TMEM128: variants seen among roughly 807,000 people sequenced by gnomAD.
TMEM128 encodes transmembrane protein 128.
A neutral mutation model predicts 19.7 loss-of-function variants in TMEM128; 16 were observed. That is an observed-to-expected ratio of 0.81 (90% confidence interval 0.55 to 1.23). TMEM128 has a LOEUF of 1.23. TMEM128 is among the 50% of genes most tolerant of loss of function. The probability of loss-of-function intolerance (pLI) is 0.00; values close to 1 mark genes in which losing one functional copy is unlikely to be tolerated. For synonymous variants in TMEM128, 98 were observed against 75.8 expected, an observed-to-expected ratio of 1.29 and a Z score of -1.52; for missense variants, 237 against 200.8, an observed-to-expected ratio of 1.18 and a Z score of -1.09.
Position 4,236,131 on chromosome 4 carries a change from A to G in TMEM128, c.*135T>C, listed in dbSNP as rs1438366031. ...CTGGATGTTTAACCATTCACTTCAA[A>G]TTTACATGTCCAGCCAGGCACGGTG... is the stretch of plus-strand genomic sequence containing the variant. On this transcript the variant is annotated 3_prime_UTR_variant, in exon 5 of 5. Coordinates refer to ENST00000382753, the MANE Select transcript of TMEM128 (RefSeq NM_001297551.2). 2 of 152,136 alleles carry G rather than the reference A, an allele frequency of 1.3e-5. No individual in the cohort carries two copies. Among genetic ancestry groups the G allele is most frequent in the African/African-American group, 2.4e-5 (1 of 41,436 alleles). The allele number at this position is 152,136 out of a possible 1,614,324, so 9.4% of individuals were successfully genotyped here. A position where few individuals can be genotyped will look rare whatever the true frequency, so the allele number is the denominator to read the frequency against.
rs759181833 is a variant in TMEM128, at chr4:4,248,138, G to C, written c.65C>G (p.Ala22Gly). 1.6e-5 allele frequency: 25 copies of C among 1,534,536 alleles called. No homozygotes were observed. The highest frequency in any genetic ancestry group is 3.4e-4 in the Middle Eastern group (2 of 5,900). ...RRFLLLPDAE[A>G]QLDREGDAGP... ...GGCGTCACCCTCGCGGTCCAGCTGGGCCTCGGCGTCCGGCAGGAGGAGGAA... is the reference window on the plus strand; with the variant it reads ...GGCGTCACCCTCGCGGTCCAGCTGGCCCTCGGCGTCCGGCAGGAGGAGGAA... The change falls in exon 1 of 5, where the codon GCC becomes GGC. Residue 22 changes from alanine (A) to glycine (G), a missense_variant. Ala to Gly is a moderately conservative substitution (Grantham distance 60). Coordinates refer to ENST00000382753, the MANE Select transcript of TMEM128 (RefSeq NM_001297551.2).
chr4:4,244,270 G>C (rs1176661613), intron 2 of TMEM128, among the ~76,000 whole-genome samples: 2 of 152,074 alleles, frequency 1.3e-5, no homozygotes, highest in East Asian at 1.9e-4. Context: ...GAGCCCACAA[G>C]TTTGAGACCA....
At chr4:4,242,065 C>T (rs1435909803) in intron 2 of TMEM128, among the ~76,000 whole-genome samples, 1 of 152,096 alleles carries the variant, frequency 6.6e-6, no homozygotes, top group Non-Finnish European at 1.5e-5. Flanking sequence ...CCACGCCCAG[C>T]TAATTTTTGT....
At chr4:4,240,280 TTTG>T (rs1717893667) in intron 3 of TMEM128, 38 bp downstream of exon 3, 4 of 1,589,858 alleles carry the variant, frequency 2.5e-6, no homozygotes, top group Non-Finnish European at 2.6e-6. Context: ...AAAAAAAAAA[TTTG>T]TTGTTCATTC....
intron 2 of TMEM128, among the ~76,000 whole-genome samples, chr4:4,241,874 CATT>C (rs1300864751): frequency 1.3e-5 from 2 of 152,130 alleles, no homozygotes; most frequent in Admixed American, 6.5e-5. Context: ...CAATCATAAT[CATT>C]ATTATTCCAC....
chr4:4,248,021 C>G, intron 1 of TMEM128, 85 bp downstream of exon 1: 1 of 1,506,888 alleles, frequency 6.6e-7, no homozygotes, highest in Non-Finnish European at 8.8e-7. Context: ...TCAGTCCTTC[C>G]AGACTGGGCC....
At chr4:4,239,951 G>C (rs765474440) in intron 3 of TMEM128, among the ~76,000 whole-genome samples, 4 of 152,226 alleles carry the variant, frequency 2.6e-5, no homozygotes, top group Non-Finnish European at 5.9e-5. Flanking sequence ...CTGGGAGGGA[G>C]AATGAAGGGG....
chr4:4,245,576 C>T (rs998075252), intron 2 of TMEM128, among the ~76,000 whole-genome samples: 3 of 152,146 alleles, frequency 2.0e-5, no homozygotes, highest in Admixed American at 1.3e-4. Flanking sequence ...AAATTTACTA[C>T]CTTCCTCATC....
At chr4:4,240,595 G>C (rs1234354468) in intron 2 of TMEM128, 116 bp from the exon 3 acceptor site, 93 of 1,167,396 alleles carry the variant, frequency 8.0e-5, no homozygotes, top group Non-Finnish European at 1.1e-4. Context: ...TGTTGCAGAG[G>C]GAGCCATACT....
rs1342059558 is a variant in TMEM128, at chr4:4,236,125, C to T, written c.*141G>A. On this transcript the variant is annotated 3_prime_UTR_variant, in exon 5 of 5. Coordinates refer to ENST00000382753, the MANE Select transcript of TMEM128 (RefSeq NM_001297551.2). ...AGCTAGCTGGATGTTTAACCATTCA[C>T]TTCAAATTTACATGTCCAGCCAGGC... is the stretch of plus-strand genomic sequence containing the variant. 2 of 152,144 alleles carry T rather than the reference C, an allele frequency of 1.3e-5. No individual in the cohort carries two copies. The highest frequency in any genetic ancestry group is 2.9e-5 in the Non-Finnish European group (2 of 68,028). 9.4% of individuals were successfully genotyped at this position (152,144 alleles called of 1,614,324 possible). A position where few individuals can be genotyped will look rare whatever the true frequency, so the allele number is the denominator to read the frequency against.
intron 3 of TMEM128, among the ~76,000 whole-genome samples, chr4:4,240,116 C>T (rs574139725): frequency 5.3e-5 from 8 of 152,216 alleles, no homozygotes; most frequent in African/African-American, 1.9e-4. Flanking sequence ...TACAGAATGT[C>T]ACCATCTGTG....
At chr4:4,244,173 G>A (rs1718072702) in intron 2 of TMEM128, among the ~76,000 whole-genome samples, 1 of 152,162 alleles carries the variant, frequency 6.6e-6, no homozygotes, top group Non-Finnish European at 1.5e-5. Context: ...ATTGGTGGTG[G>A]TTAAAGTACC....
At position 4,240,407 on chromosome 4, in the gene TMEM128, T is replaced by C. The variant is rs1190731598; in HGVS notation, c.312A>G (p.Glu104=). 13 of 1,614,028 alleles carry C rather than the reference T, an allele frequency of 8.1e-6. No individual in the cohort carries two copies. In the African/African-American group the frequency reaches 1.2e-4, roughly 15 times the overall value. The change falls in exon 3 of 5, where the codon GAA becomes GAG. Residue 104 remains glutamate (E), a synonymous_variant. Coordinates refer to ENST00000382753, the MANE Select transcript of TMEM128 (RefSeq NM_001297551.2). ...CATATTCTCCAATTCCACAATACCATTCCAGGTAGACTATGCAGTAAAATG... is the reference window on the plus strand; with the variant it reads ...CATATTCTCCAATTCCACAATACCACTCCAGGTAGACTATGCAGTAAAATG... ...SIAFYCIVYL[E]WYCGIGEYDV... is the part of the protein sequence containing the mutation.
chr4:4,242,405 C>T (rs950429179), intron 2 of TMEM128, among the ~76,000 whole-genome samples: 5 of 151,900 alleles, frequency 3.3e-5, no homozygotes, highest in African/African-American at 9.7e-5. Context: ...TATCTAATTC[C>T]ACATTCCACA....
At chr4:4,246,582 T>G (rs1718183817) in intron 1 of TMEM128, among the ~76,000 whole-genome samples, 1 of 152,208 alleles carries the variant, frequency 6.6e-6, no homozygotes, top group Admixed American at 6.5e-5. Flanking sequence ...AATTTACACT[T>G]TCATCGTCTT....
intron 3 of TMEM128, 72 bp downstream of exon 3, chr4:4,240,249 C>G: frequency 2.0e-6 from 3 of 1,478,778 alleles, no homozygotes; most frequent in East Asian, 2.3e-5. Flanking sequence ...AAGTTTGGAC[C>G]AAGCATATCA....
At chr4:4,246,369 AT>A in intron 1 of TMEM128, 26 bp from the exon 2 acceptor site, 1 of 1,577,612 alleles carries the variant, frequency 6.3e-7, no homozygotes, top group Non-Finnish European at 8.6e-7. Context: ...ATTTCAACTT[AT>A]TAAGTTACCA....
chr4:4,236,334 T>C (rs1717719133), intron 4 of TMEM128, 78 bp from the exon 5 acceptor site: 1 of 152,094 alleles, frequency 6.6e-6, no homozygotes, highest in Non-Finnish European at 1.5e-5. Flanking sequence ...AGTAAAACAT[T>C]GTATCTCAAG....
At chr4:4,247,574 C>T (rs1577200676) in intron 1 of TMEM128, 1 of 1,614,088 alleles carries the variant, frequency 6.2e-7, no homozygotes. Flanking sequence ...TCTATGCATT[C>T]ACAGGTGAAC....
Sources: allele counts gnomAD v4.1 joint callset (sites outside exome capture counted in the v4.1 genomes callset), GRCh38; gene constraint gnomAD v4.1.1; transcripts MANE v1.5; gene names NCBI Gene and HGNC (gene_info 2026-07-23, HGNC 2026-07-21).